Variants in LRIT3 observed in about 807,000 individuals in gnomAD.
LRIT3 encodes leucine-rich repeat, immunoglobulin-like domain and transmembrane domain-containing protein 3.
Under a neutral mutation model 22.6 loss-of-function variants are expected in LRIT3, and 14 were observed. That is an observed-to-expected ratio of 0.62 (90% CI 0.41 to 0.97). LRIT3 has a LOEUF of 0.97. Ranked by LOEUF, LRIT3 falls within the 50% of genes least tolerant of loss-of-function variation. The probability of loss-of-function intolerance (pLI) is 0.00; values close to 1 mark genes in which losing one functional copy is unlikely to be tolerated. For missense variants in LRIT3, 783 were observed against 803.0 expected (o/e 0.98, Z 0.30); for synonymous variants, 306 against 304.5 (o/e 1.01, Z -0.05).
intron 2 of LRIT3, among the ~76,000 whole-genome samples, chr4:109,856,141 C>A (rs1379661140): frequency 3.3e-5 from 5 of 152,154 alleles, no homozygotes; most frequent in African/African-American, 9.6e-5. Flanking sequence ...CAGGGGGAAG[C>A]ACATTACACA....
At chr4:109,859,694 T>C (rs1157908786) in intron 2 of LRIT3, among the ~76,000 whole-genome samples, 1 of 152,162 alleles carries the variant, frequency 6.6e-6, no homozygotes, top group Non-Finnish European at 1.5e-5. Flanking sequence ...AGGGTCACAT[T>C]CCATTCCCAG....
intron 2 of LRIT3, among the ~76,000 whole-genome samples, chr4:109,857,531 C>G (rs1188181243): frequency 6.6e-6 from 1 of 152,176 alleles, no homozygotes; most frequent in African/African-American, 2.4e-5. Flanking sequence ...CTCCATAATT[C>G]TGAATGTTCA....
At position 109,856,242 on chromosome 4, in the gene LRIT3, C is replaced by A. The variant is rs563429489; in HGVS notation, c.589+4266C>A. On this transcript the variant is annotated intron_variant, in intron 2 of 3. Coordinates refer to ENST00000594814, the MANE Select transcript of LRIT3 (RefSeq NM_198506.5). ...CTTACAATTATCAGAAGCATTTCAT[C>A]TTTTATTCCATAGCAATAGTTTCAG... Among the ~76,000 whole-genome samples the A allele has an allele frequency of 6.3e-4, 96 of 152,276 alleles. 2 individuals carry two copies. Among genetic ancestry groups the A allele is most frequent in the Non-Finnish European group, 7.4e-5 (5 of 68,018 alleles).
At position 109,871,478 on chromosome 4, in the gene LRIT3, C is replaced by T. The variant is rs1221168623; in HGVS notation, c.*689C>T. 1 of 152,164 alleles carries T rather than the reference C, an allele frequency of 6.6e-6. No individual in the cohort carries two copies. The highest frequency in any genetic ancestry group is 1.5e-5 in the Non-Finnish European group (1 of 68,030). 9.4% of individuals were successfully genotyped at this position (152,164 alleles called of 1,614,324 possible). A position where few individuals can be genotyped will look rare whatever the true frequency, so the allele number is the denominator to read the frequency against. ...TGTTGCATTTAAACACATCGACTGA[C>T]AGATTATATGGATATTTAAAAATAA... On this transcript the variant is annotated 3_prime_UTR_variant, in exon 4 of 4. Transcript: ENST00000594814.
At chr4:109,850,397 TC>T (rs1256775345) in intron 1 of LRIT3, among the ~76,000 whole-genome samples, 11 of 998 alleles carry the variant, frequency 0.011, no homozygotes, top group African/African-American at 0.021. Context: ...CTTCCTTCCT[TC>T]CTTCCTTCCT....
intron 2 of LRIT3, among the ~76,000 whole-genome samples, chr4:109,863,846 C>A (rs1314820749): frequency 6.6e-6 from 1 of 152,140 alleles, no homozygotes; most frequent in Non-Finnish European, 1.5e-5. Context: ...GAGTTGCTGG[C>A]AAACTGGAAT....
At chr4:109,850,661 G>C (rs1368707490) in intron 1 of LRIT3, among the ~76,000 whole-genome samples, 3 of 151,456 alleles carry the variant, frequency 2.0e-5, no homozygotes, top group Admixed American at 1.3e-4. Flanking sequence ...ATTTTTAGTG[G>C]AGTCGGGGTT....
intron 2 of LRIT3, among the ~76,000 whole-genome samples, chr4:109,853,741 G>A (rs1442954975): frequency 6.6e-6 from 1 of 151,954 alleles, no homozygotes. Flanking sequence ...TTACATTTAA[G>A]TCTTTAATCC....
chr4:109,851,403 C>CTGATTACAGGCG, intron 1 of LRIT3, 101 bp from the exon 2 acceptor site: 1 of 1,438,362 alleles, frequency 7.0e-7, no homozygotes, highest in Non-Finnish European at 9.2e-7. Context: ...GCGTGAGCCA[C>CTGATTACAGGCG]TGCCCAGCTG....
chr4:109,857,510 C>T (rs1734432556), intron 2 of LRIT3, among the ~76,000 whole-genome samples: 1 of 152,156 alleles, frequency 6.6e-6, no homozygotes, highest in Non-Finnish European at 1.5e-5. Context: ...CCAATCATAG[C>T]TATGGTTAAT....
chr4:109,867,744 T>A lies in LRIT3; in HGVS notation c.693T>A (p.Thr231=), dbSNP rs751463596. 6.2e-7 allele frequency: 1 copy of A among 1,614,196 alleles called. No individual in the cohort carries two copies. Among genetic ancestry groups the A allele is most frequent in the Non-Finnish European group, 8.5e-7 (1 of 1,180,014 alleles). ...PAIVLLDPLM[T]CSEPERLTGI... is the part of the protein sequence containing the mutation. ...TAGTGCTTCTGGATCCACTGATGAC[T>A]TGCAGTGAACCTGAGCGCCTCACAG... is the stretch of plus-strand genomic sequence containing the variant. The change falls in exon 3 of 4, where the codon ACT becomes ACA. Residue 231 remains threonine, a synonymous_variant. Transcript: ENST00000594814.
Position 109,851,559 on chromosome 4 carries a change from G to T in LRIT3, c.172G>T (p.Asp58Tyr). 6.4e-7 allele frequency: 1 copy of T among 1,551,778 alleles called. No individual in the cohort carries two copies. Among genetic ancestry groups the T allele is most frequent in the South Asian group, 1.2e-5 (1 of 84,048 alleles). Residue 58 changes from aspartate to tyrosine, a missense_variant, in exon 2 of 4, where the codon GAC becomes TAC. Around this residue, in one of 2 missense-constraint regions of LRIT3, gnomAD observed 756 missense variants for 753.8 expected, o/e 1.00. Coordinates refer to ENST00000594814, the MANE Select transcript of LRIT3 (RefSeq NM_198506.5). ...CGAGCTGCCTACGAACCTCCCCGTGGACACTGTGAAGCTTCGCATAGAGAA... is the reference window on the plus strand; with the variant it reads ...CGAGCTGCCTACGAACCTCCCCGTGTACACTGTGAAGCTTCGCATAGAGAA... ...MNELPTNLPVDTVKLRIEKTV... is the reference protein window; with the variant it reads ...MNELPTNLPVYTVKLRIEKTV...
intron 2 of LRIT3, 112 bp downstream of exon 2, chr4:109,852,088 C>A: frequency 1.1e-6 from 1 of 935,890 alleles, no homozygotes; most frequent in Non-Finnish European, 1.6e-6. Flanking sequence ...TGTAATTGCA[C>A]TTTTACTGGA....
intron 1 of LRIT3, among the ~76,000 whole-genome samples, chr4:109,850,579 C>T (rs1000380582): frequency 3.3e-5 from 5 of 150,902 alleles, no homozygotes; most frequent in Admixed American, 1.3e-4. Flanking sequence ...CAGGTTCAAG[C>T]GATTCTCCCA....
chr4:109,870,396 A>G lies in LRIT3; in HGVS notation c.1647A>G (p.Gln549=). 3 of 1,614,182 alleles carry G rather than the reference A, an allele frequency of 1.9e-6. No homozygotes were observed. ...VTIDGLEPGG[Q]YMACVCPKGV... Reference sequence around the variant, plus strand: ...TAGATGGCTTGGAACCCGGTGGGCAATACATGGCCTGTGTCTGTCCAAAAG... The same window carrying G: ...TAGATGGCTTGGAACCCGGTGGGCAGTACATGGCCTGTGTCTGTCCAAAAG... The change falls in exon 4 of 4, where the codon CAA becomes CAG. Residue 549 remains glutamine, a synonymous_variant. Transcript: ENST00000594814.
At chr4:109,865,687 A>G (rs1734659300) in intron 2 of LRIT3, among the ~76,000 whole-genome samples, 1 of 152,214 alleles carries the variant, frequency 6.6e-6, no homozygotes, top group Non-Finnish European at 1.5e-5. Flanking sequence ...AAAGGTCACT[A>G]TGAATAAACC....
At position 109,867,694 on chromosome 4, in the gene LRIT3, T is replaced by A. The variant is rs760152622; in HGVS notation, c.643T>A (p.Leu215Met). Reference sequence around the variant, plus strand: ...CTGTCATATTTCCAAAATGATTGAGTTGTCAAAGGTCGTTGACCCTGCTAT... The same window carrying A: ...CTGTCATATTTCCAAAATGATTGAGATGTCAAAGGTCGTTGACCCTGCTAT... The part of the protein sequence containing the change: ...CDCHISKMIE[L>M]SKVVDPAIVL... The change falls in exon 3 of 4, where the codon TTG (leucine) becomes ATG (methionine). Residue 215 changes from leucine (L) to methionine (M), a missense_variant. Physicochemically the swap from Leu to Met is conservative, Grantham distance 15. Transcript: ENST00000594814. 3 of 1,614,176 alleles carry A rather than the reference T, an allele frequency of 1.9e-6. No homozygotes were observed. The East Asian group carries it at 6.7e-5, about 36-fold the overall frequency.
At chr4:109,865,134 C>T (rs7679048) in intron 2 of LRIT3, 980,516 of 1,451,202 alleles carry the variant, frequency 0.68, 333,890 homozygotes, top group Non-Finnish European at 0.69. Context: ...TAGAACGTTA[C>T]GGCTGTAAAA....
At chr4:109,861,175 C>T (rs1734536002) in intron 2 of LRIT3, among the ~76,000 whole-genome samples, 1 of 152,002 alleles carries the variant, frequency 6.6e-6, no homozygotes, top group Admixed American at 6.6e-5. Context: ...TTGAGACCAG[C>T]CTGGTCAATG....
Sources: gnomAD v4.1 joint callset for allele counts (sites outside exome capture counted in the v4.1 genomes callset) on GRCh38, gnomAD v4.1.1 for gene constraint, gnomAD v4.1.1 regional missense constraint, MANE v1.5 for transcripts, NCBI Gene and HGNC (gene_info 2026-07-23, HGNC 2026-07-21) for gene names.